Variants in OPCML observed in about 807,000 individuals in gnomAD.
The protein encoded by OPCML is opioid-binding protein/cell adhesion molecule.
In OPCML, 13 loss-of-function variants were observed where a neutral mutation model predicts 37.8. The observed-to-expected ratio is 0.34, with a 90% CI of 0.22 to 0.55. OPCML has a LOEUF of 0.55. OPCML is among the 20% of genes least tolerant of loss of function. The probability of loss-of-function intolerance (pLI) is 0.91; values close to 1 mark genes in which losing one functional copy is unlikely to be tolerated. For missense variants in OPCML, 341 were observed against 435.6 expected (o/e 0.78, Z 1.93); for synonymous variants, 176 against 168.8 (o/e 1.04, Z -0.33).
chr11:132,523,327 C>T (rs1040606437), intron 4 of OPCML, among the ~76,000 whole-genome samples: 1 of 152,198 alleles, frequency 6.6e-6, no homozygotes, highest in Admixed American at 6.5e-5. Flanking sequence ...ATGGAATTCA[C>T]TCATTTATCA....
At chr11:133,272,135 C>G (rs1489526577) in intron 1 of OPCML, among the ~76,000 whole-genome samples, 1 of 151,916 alleles carries the variant, frequency 6.6e-6, no homozygotes, top group African/African-American at 2.4e-5. Flanking sequence ...CAGAGATTAG[C>G]CCCTTACAAG....
At chr11:133,348,238 G>T (rs751533549) in intron 1 of OPCML, among the ~76,000 whole-genome samples, 3 of 152,134 alleles carry the variant, frequency 2.0e-5, no homozygotes, top group African/African-American at 4.8e-5. Flanking sequence ...GCAAACGAGA[G>T]CCATTGATTC....
At chr11:133,018,129 T>C (rs1209856041) in intron 1 of OPCML, among the ~76,000 whole-genome samples, 1 of 152,164 alleles carries the variant, frequency 6.6e-6, no homozygotes, top group Non-Finnish European at 1.5e-5. Flanking sequence ...TTCCTTTGGG[T>C]TAAAAGTAAT....
At chr11:133,087,896 G>A (rs1171957882) in intron 1 of OPCML, among the ~76,000 whole-genome samples, 1 of 152,188 alleles carries the variant, frequency 6.6e-6, no homozygotes, top group Non-Finnish European at 1.5e-5. Context: ...TCTCTTACTA[G>A]ACGGTTAGGA....
intron 4 of OPCML, among the ~76,000 whole-genome samples, chr11:132,484,691 G>A (rs1342076734): frequency 1.3e-5 from 2 of 152,068 alleles, no homozygotes; most frequent in Non-Finnish European, 2.9e-5. Flanking sequence ...ACGATAGACT[G>A]GATTAAGAAA....
chr11:132,870,786 T>C (rs1942765275), intron 2 of OPCML, among the ~76,000 whole-genome samples: 1 of 152,146 alleles, frequency 6.6e-6, no homozygotes, highest in Non-Finnish European at 1.5e-5. Flanking sequence ...TTACATTAAG[T>C]GAAATAAGCC....
chr11:132,609,845 C>T (rs573364048), intron 3 of OPCML, among the ~76,000 whole-genome samples: 2 of 152,284 alleles, frequency 1.3e-5, no homozygotes, highest in East Asian at 3.9e-4. Flanking sequence ...ATCTGTATCT[C>T]TAGTGCCTGG....
intron 1 of OPCML, among the ~76,000 whole-genome samples, chr11:133,466,697 A>G (rs1016254775): frequency 5.3e-5 from 8 of 152,198 alleles, no homozygotes; most frequent in African/African-American, 1.7e-4. Flanking sequence ...TCTTCATATT[A>G]ATGTAAATTT....
intron 1 of OPCML, among the ~76,000 whole-genome samples, chr11:133,495,791 T>C (rs577154918): frequency 3.1e-3 from 468 of 152,338 alleles, no homozygotes; most frequent in Non-Finnish European, 5.3e-3. Flanking sequence ...TTGTAGATTC[T>C]GGATATTAGT....
chr11:132,624,190 A>G (rs571187127), intron 3 of OPCML, among the ~76,000 whole-genome samples: 11 of 152,318 alleles, frequency 7.2e-5, no homozygotes, highest in East Asian at 5.8e-4. Flanking sequence ...TAATAACCTT[A>G]TGGTTTAAAT....
At chr11:133,509,910 G>A (rs898404355) in intron 1 of OPCML, among the ~76,000 whole-genome samples, 1 of 152,136 alleles carries the variant, frequency 6.6e-6, no homozygotes, top group South Asian at 2.1e-4. Context: ...TAAAGGCTTT[G>A]GGGGTCCTAC....
chr11:132,454,562 G>T (rs532994885), intron 4 of OPCML, among the ~76,000 whole-genome samples: 3 of 152,336 alleles, frequency 2.0e-5, no homozygotes, highest in Non-Finnish European at 4.4e-5. Flanking sequence ...CCTCGCAGAG[G>T]GCTCCCAGCT....
chr11:133,304,651 G>T (rs1942867095), intron 1 of OPCML, among the ~76,000 whole-genome samples: 1 of 152,116 alleles, frequency 6.6e-6, no homozygotes, highest in African/African-American at 2.4e-5. Context: ...TGAAAACATG[G>T]AATATCCCAA....
In OPCML at chr11:132,484,631, C is replaced by T. The variant is rs541251149; in HGVS notation, c.505+44430G>A. Among the ~76,000 whole-genome samples the T allele has an allele frequency of 2.9e-4, 44 of 152,134 alleles. No individual in the cohort carries two copies. In the South Asian group the frequency reaches 5.6e-3, roughly 19 times the overall value. ...GACACATGCACACCTATGTTTATTG[C>T]GGCATTATTCACAATAGCAAAGACT... On this transcript the variant is annotated intron_variant, in intron 4 of 7. Coordinates refer to ENST00000524381, the MANE Select transcript of OPCML (RefSeq NM_001012393.5).
At chr11:132,700,370 TAAAGCTAGGTGC>T (rs1943759251) in intron 2 of OPCML, among the ~76,000 whole-genome samples, 1 of 152,158 alleles carries the variant, frequency 6.6e-6, no homozygotes, top group African/African-American at 2.4e-5. Flanking sequence ...CCTATAGGCA[TAAAGCTAGGTGC>T]TTATCTGAGA....
At chr11:132,479,501 C>G (rs1007085110) in intron 4 of OPCML, among the ~76,000 whole-genome samples, 1 of 152,228 alleles carries the variant, frequency 6.6e-6, no homozygotes, top group African/African-American at 2.4e-5. Flanking sequence ...AGCCAGAAAG[C>G]TCGAACTGGG....
intron 1 of OPCML, among the ~76,000 whole-genome samples, chr11:133,399,865 T>A (rs1055170986): frequency 1.3e-5 from 2 of 148,504 alleles, no homozygotes; most frequent in African/African-American, 4.9e-5. Context: ...TATATATATA[T>A]TATATATATA....
At chr11:133,149,413 G>C (rs1949943147) in intron 1 of OPCML, among the ~76,000 whole-genome samples, 1 of 152,184 alleles carries the variant, frequency 6.6e-6, no homozygotes, top group Non-Finnish European at 1.5e-5. Flanking sequence ...CTTTAAGCCA[G>C]TAAAAGGAGA....
At chr11:133,350,142 G>A (rs1488214093) in intron 1 of OPCML, among the ~76,000 whole-genome samples, 1 of 152,176 alleles carries the variant, frequency 6.6e-6, no homozygotes, top group East Asian at 1.9e-4. Flanking sequence ...GCCTCTAAAA[G>A]GGACAGCCCC....
Sources: gnomAD v4.1 joint callset for allele counts (sites outside exome capture counted in the v4.1 genomes callset) on GRCh38, gnomAD v4.1.1 for gene constraint, MANE v1.5 for transcripts, NCBI Gene and HGNC (gene_info 2026-07-23, HGNC 2026-07-21) for gene names.